The following LRRC4C variants were observed in gnomAD, a reference collection of about 807,000 sequenced individuals.
LRRC4C encodes leucine rich repeat containing 4C.
In LRRC4C, 5 loss-of-function variants were observed where a neutral mutation model predicts 33.6. That is an observed-to-expected ratio of 0.15 (90% confidence interval 0.08 to 0.31). The LOEUF is 0.31. Among genes scored for constraint, LRRC4C ranks in the 10% least tolerant of loss-of-function variants. The pLI, the probability that LRRC4C is intolerant of heterozygous loss-of-function variation, is 1.00. For synonymous variants in LRRC4C, 329 were observed against 302.0 expected, an observed-to-expected ratio of 1.09 and a Z score of -0.93; for missense variants, 560 against 796.7, an observed-to-expected ratio of 0.70 and a Z score of 3.58.
At chr11:40,811,766 G>A (rs1259607749) in intron 2 of LRRC4C, among the ~76,000 whole-genome samples, 2 of 152,148 alleles carry the variant, frequency 1.3e-5, no homozygotes, top group Non-Finnish European at 2.9e-5. Flanking sequence ...AAAGTGCTGG[G>A]ATTACAGGCA....
intron 1 of LRRC4C, among the ~76,000 whole-genome samples, chr11:41,378,603 A>T (rs1477975068): frequency 6.6e-6 from 1 of 152,182 alleles, no homozygotes; most frequent in Non-Finnish European, 1.5e-5. Context: ...TCCTTTGGGA[A>T]TTCAGGCCCA....
chr11:40,255,442 C>G (rs911524568), intron 4 of LRRC4C, among the ~76,000 whole-genome samples: 8 of 152,206 alleles, frequency 5.3e-5, no homozygotes, highest in African/African-American at 1.9e-4. Context: ...AAACACTCAA[C>G]GTTCTGATAT....
intron 4 of LRRC4C, among the ~76,000 whole-genome samples, chr11:40,310,105 C>G (rs989647314): frequency 2.6e-5 from 4 of 152,086 alleles, no homozygotes; most frequent in African/African-American, 7.2e-5. Flanking sequence ...ATCATCCCCC[C>G]ACTTCTCCAC....
chr11:41,180,652 C>T (rs1449225789), intron 1 of LRRC4C, among the ~76,000 whole-genome samples: 1 of 152,036 alleles, frequency 6.6e-6, no homozygotes, highest in African/African-American at 2.4e-5. Context: ...AAATGGCCAC[C>T]CAATACTGAT....
At chr11:40,777,386 T>C (rs988339303) in intron 2 of LRRC4C, among the ~76,000 whole-genome samples, 1 of 152,088 alleles carries the variant, frequency 6.6e-6, no homozygotes, top group Non-Finnish European at 1.5e-5. Flanking sequence ...AATACTTGTT[T>C]TATGAATCTT....
chr11:41,307,990 G>A (rs2958852), intron 1 of LRRC4C, among the ~76,000 whole-genome samples: 91,289 of 151,984 alleles, frequency 0.6, 28,627 homozygotes, highest in South Asian at 0.71. Flanking sequence ...TATAAGGATT[G>A]CATGACCCTT....
At chr11:40,443,970 A>G (rs1021479869) in intron 3 of LRRC4C, among the ~76,000 whole-genome samples, 2 of 152,210 alleles carry the variant, frequency 1.3e-5, no homozygotes, top group Admixed American at 6.5e-5. Context: ...ATTGTAAAAA[A>G]GTTAGTTTAT....
intron 1 of LRRC4C, among the ~76,000 whole-genome samples, chr11:41,171,149 G>C (rs1339064507): frequency 6.6e-6 from 1 of 152,024 alleles, no homozygotes; most frequent in African/African-American, 2.4e-5. Flanking sequence ...CTTTTACACT[G>C]TTGGTGGGAC....
intron 3 of LRRC4C, among the ~76,000 whole-genome samples, chr11:40,554,801 A>G (rs1957269268): frequency 7.6e-6 from 1 of 132,144 alleles, no homozygotes; most frequent in Non-Finnish European, 1.5e-5. Context: ...GGCTCACTGC[A>G]AGCTCCGCCT....
chr11:41,048,162 G>T (rs1857919550), intron 1 of LRRC4C, among the ~76,000 whole-genome samples: 1 of 151,802 alleles, frequency 6.6e-6, no homozygotes, highest in Admixed American at 6.6e-5. Context: ...AAATGAATGA[G>T]CATGTGAATA....
intron 3 of LRRC4C, among the ~76,000 whole-genome samples, chr11:40,442,710 G>T (rs1951451843): frequency 1.3e-5 from 2 of 152,154 alleles, no homozygotes; most frequent in Non-Finnish European, 2.9e-5. Context: ...GCTTTTAGCA[G>T]CAGAAAAAGC....
intron 3 of LRRC4C, among the ~76,000 whole-genome samples, chr11:40,617,122 CAGA>C (rs1024253384): frequency 5.9e-5 from 9 of 151,790 alleles, no homozygotes; most frequent in African/African-American, 1.9e-4. Flanking sequence ...TTTTCTACTG[CAGA>C]AGAGTTTATC....
At chr11:41,041,188 A>T (rs554480772) in intron 1 of LRRC4C, among the ~76,000 whole-genome samples, 3 of 152,266 alleles carry the variant, frequency 2.0e-5, no homozygotes, top group Admixed American at 2.0e-4. Flanking sequence ...TTCTTCCACA[A>T]CTGCAAACTA....
At chr11:40,636,913 C>T (rs1941787992) in intron 3 of LRRC4C, among the ~76,000 whole-genome samples, 1 of 152,164 alleles carries the variant, frequency 6.6e-6, no homozygotes, top group Non-Finnish European at 1.5e-5. Context: ...GAATGCCGGT[C>T]TGAGGCACAG....
chr11:40,153,558 G>T (rs1283247395), intron 5 of LRRC4C, among the ~76,000 whole-genome samples: 1 of 148,262 alleles, frequency 6.7e-6, no homozygotes, highest in Non-Finnish European at 1.5e-5. Flanking sequence ...AGAAGTGAAG[G>T]GAGAAATATT....
intron 5 of LRRC4C, among the ~76,000 whole-genome samples, chr11:40,145,572 A>G (rs1857670206): frequency 6.6e-6 from 1 of 152,188 alleles, no homozygotes; most frequent in Admixed American, 6.5e-5. Flanking sequence ...TTGATTACCT[A>G]TACCAGGATC....
At chr11:40,154,411 A>G (rs968535620) in intron 5 of LRRC4C, among the ~76,000 whole-genome samples, 1 of 152,158 alleles carries the variant, frequency 6.6e-6, no homozygotes, top group African/African-American at 2.4e-5. Context: ...CTTAAAAGAT[A>G]CAGAACTGCA....
At position 40,315,715 on chromosome 11, in the gene LRRC4C, T is replaced by G. The variant is rs533156377; in HGVS notation, c.-176+3913A>C. On this transcript the variant is annotated intron_variant, in intron 4 of 6. Transcript: ENST00000528697. Reference sequence around the variant, plus strand: ...AGATATGTCTTCATTTGTCCACTGATTTATTTGCAATCTTAGAAAAGGAAG... The same window carrying G: ...AGATATGTCTTCATTTGTCCACTGAGTTATTTGCAATCTTAGAAAAGGAAG... Among the ~76,000 whole-genome samples, 40 of 152,116 alleles carry G rather than the reference T, an allele frequency of 2.6e-4. 1 individual carries two copies. Among genetic ancestry groups the G allele is most frequent in the African/African-American group, 9.6e-4 (40 of 41,482 alleles).
chr11:40,363,480 G>A (rs774492561), intron 3 of LRRC4C, among the ~76,000 whole-genome samples: 16 of 151,974 alleles, frequency 1.1e-4, no homozygotes, highest in Non-Finnish European at 2.1e-4. Context: ...ACCTGTGGGT[G>A]ACGAAATAAT....
Sources: allele counts gnomAD v4.1 joint callset (sites outside exome capture counted in the v4.1 genomes callset), GRCh38; gene constraint gnomAD v4.1.1; transcripts MANE v1.5; gene names NCBI Gene and HGNC (gene_info 2026-07-23, HGNC 2026-07-21).